SUGCT: variants seen among roughly 807,000 people sequenced by gnomAD.
SUGCT encodes the protein succinyl-CoA:glutarate CoA-transferase.
A neutral mutation model predicts 55.0 loss-of-function variants in SUGCT; 41 were observed. The observed-to-expected ratio is 0.74, with a 90% CI of 0.58 to 0.97. The LOEUF is 0.97. Ranked by LOEUF, SUGCT falls within the 50% of genes least tolerant of loss-of-function variation. The pLI is 0.00. For missense variants in SUGCT, 568 were observed against 547.8 expected, an observed-to-expected ratio of 1.04 and a Z score of -0.37; for synonymous variants, 187 against 200.4, an observed-to-expected ratio of 0.93 and a Z score of 0.56.
Position 40,274,501 on chromosome 7 carries a change from C to T in SUGCT, c.577-12C>T, listed in dbSNP as rs369021727. On this transcript the variant is annotated splice_polypyrimidine_tract_variant and intron_variant, in intron 7 of 13. Coordinates refer to ENST00000335693, the MANE Select transcript of SUGCT (RefSeq NM_001193313.2). Reference sequence around the variant, plus strand: ...AATTATTTCTTCTTTCTCAACCCAACCTTCAAATCAGAATGGAGATCCAGT... The same window carrying T: ...AATTATTTCTTCTTTCTCAACCCAATCTTCAAATCAGAATGGAGATCCAGT... 4 of 1,605,410 alleles carry T rather than the reference C, an allele frequency of 2.5e-6. No individual in the cohort carries two copies. The African/African-American group carries it at 4.0e-5, about 16-fold the overall frequency.
At chr7:40,731,150 G>A (rs1159149014) in intron 12 of SUGCT, among the ~76,000 whole-genome samples, 1 of 152,186 alleles carries the variant, frequency 6.6e-6, no homozygotes, top group Non-Finnish European at 1.5e-5. Flanking sequence ...GGGTGAGAAT[G>A]AGTTTTGGGT....
chr7:40,768,599 C>T (rs764765534), intron 13 of SUGCT, among the ~76,000 whole-genome samples: 11 of 152,048 alleles, frequency 7.2e-5, no homozygotes, highest in Non-Finnish European at 1.5e-4. Context: ...TGACCAATAG[C>T]AAACGTTGCT....
In SUGCT at chr7:40,808,937, C is replaced by G. The variant is rs111632611; in HGVS notation, c.1154-51379C>G. Among the ~76,000 whole-genome samples, 878 of 152,290 alleles carry G rather than the reference C, an allele frequency of 5.8e-3. 8 individuals are homozygous for G. The highest frequency in any genetic ancestry group is 0.02 in the African/African-American group (820 of 41,570). On this transcript the variant is annotated intron_variant, in intron 13 of 13. Transcript: ENST00000335693. ...CAAAATACCCCCAGACAATTCATGCCTGTTCCTGACTCTGTACCTAACGAA... is the reference window on the plus strand; with the variant it reads ...CAAAATACCCCCAGACAATTCATGCGTGTTCCTGACTCTGTACCTAACGAA...
In SUGCT at chr7:40,777,047, G is replaced by C. The variant is rs148723874; in HGVS notation, c.1153+27550G>C. On this transcript the variant is annotated intron_variant, in intron 13 of 13. Coordinates refer to ENST00000335693, the MANE Select transcript of SUGCT (RefSeq NM_001193313.2). Reference sequence around the variant, plus strand: ...CTGACAATCTTAGAAGCTCTATTATGGTGTAACGGGGATCTCCTCTATGAA... The same window carrying C: ...CTGACAATCTTAGAAGCTCTATTATCGTGTAACGGGGATCTCCTCTATGAA... Among the ~76,000 whole-genome samples the C allele has an allele frequency of 1.8e-3, 267 of 152,228 alleles. 1 individual carries two copies. Among genetic ancestry groups the C allele is most frequent in the African/African-American group, 6.2e-3 (258 of 41,542 alleles).
intron 11 of SUGCT, 74 bp from the exon 12 acceptor site, chr7:40,496,210 G>C: frequency 4.5e-6 from 4 of 886,512 alleles, no homozygotes; most frequent in Non-Finnish European, 7.2e-6. Context: ...TGCTTTCAAA[G>C]AGGGCCACAT....
chr7:40,756,823 A>G (rs1788275479), intron 13 of SUGCT, among the ~76,000 whole-genome samples: 1 of 152,210 alleles, frequency 6.6e-6, no homozygotes, highest in Admixed American at 6.5e-5. Context: ...TAAAGTTTTC[A>G]TGTTGTGCGT....
the SUGCT span, among the ~76,000 whole-genome samples, chr7:40,869,653 A>C: frequency 6.9e-6 from 1 of 145,980 alleles, no homozygotes; most frequent in African/African-American, 2.5e-5. Context: ...ACAGAAAATG[A>C]ATATACCCAC....
chr7:40,951,922 A>T, the SUGCT span, among the ~76,000 whole-genome samples: 1 of 152,172 alleles, frequency 6.6e-6, no homozygotes, highest in Non-Finnish European at 1.5e-5. Context: ...AGAAGAATGT[A>T]TATTCTATTG....
chr7:40,622,303 C>T (rs931335976), intron 12 of SUGCT, among the ~76,000 whole-genome samples: 5 of 152,122 alleles, frequency 3.3e-5, no homozygotes, highest in African/African-American at 9.7e-5. Flanking sequence ...TTTGACTTAA[C>T]GGTGATCTTT....
At chr7:40,915,814 A>G in the SUGCT span, among the ~76,000 whole-genome samples, 1 of 152,232 alleles carries the variant, frequency 6.6e-6, no homozygotes, top group Non-Finnish European at 1.5e-5. Flanking sequence ...AGTAAATAAA[A>G]TAGAATTTGA....
In SUGCT at chr7:40,860,456, G is replaced by A; in HGVS notation, c.1294G>A (p.Val432Met). ...CGGGGAGCTGCTCAGCGCTGGAGTG[G>A]TGGACCAACATGAAACTCACTGACA... ...AIGELLSAGV[V>M]DQHETH Residue 432 changes from valine (V) to methionine (M), a missense_variant, in exon 14 of 14, where the codon GTG becomes ATG. Physicochemically the swap from Val to Met is conservative, Grantham distance 21. Transcript: ENST00000335693. 3.1e-6 allele frequency: 5 copies of A among 1,612,790 alleles called. No individual in the cohort carries two copies. Among genetic ancestry groups the A allele is most frequent in the Non-Finnish European group, 4.2e-6 (5 of 1,179,038 alleles).
chr7:40,386,992 C>T (rs1163213264), intron 9 of SUGCT, among the ~76,000 whole-genome samples: 2 of 152,090 alleles, frequency 1.3e-5, no homozygotes, highest in African/African-American at 4.8e-5. Context: ...CTTTTTGTGT[C>T]CATAGTACTA....
At chr7:40,772,723 T>C (rs1789238386) in intron 13 of SUGCT, among the ~76,000 whole-genome samples, 1 of 151,862 alleles carries the variant, frequency 6.6e-6, no homozygotes, top group Non-Finnish European at 1.5e-5. Flanking sequence ...GCAACCTCCC[T>C]GGGCTCAAGG....
At chr7:40,946,810 C>T in the SUGCT span, among the ~76,000 whole-genome samples, 1 of 152,130 alleles carries the variant, frequency 6.6e-6, no homozygotes, top group South Asian at 2.1e-4. Context: ...GAGAAATCAG[C>T]AATTAATACT....
intron 6 of SUGCT, among the ~76,000 whole-genome samples, chr7:40,229,013 C>T (rs917137609): frequency 6.6e-6 from 1 of 152,168 alleles, no homozygotes. Flanking sequence ...TTTTTGATAG[C>T]TTCCTTGATT....
chr7:40,712,485 C>T (rs1785779332), intron 12 of SUGCT, among the ~76,000 whole-genome samples: 1 of 152,172 alleles, frequency 6.6e-6, no homozygotes, highest in African/African-American at 2.4e-5. Context: ...CCTCCTGGAA[C>T]ATAATGCAGT....
intron 13 of SUGCT, among the ~76,000 whole-genome samples, chr7:40,797,396 T>C (rs919234905): frequency 2.6e-5 from 4 of 152,178 alleles, no homozygotes; most frequent in African/African-American, 9.7e-5. Flanking sequence ...GAAACTACAC[T>C]GTTTTTCTAT....
chr7:40,415,448 C>G (rs1341776694), intron 9 of SUGCT, among the ~76,000 whole-genome samples: 1 of 150,426 alleles, frequency 6.6e-6, no homozygotes, highest in Non-Finnish European at 1.5e-5. Context: ...TATGTAGAAA[C>G]TCTTTTTAAA....
At chr7:40,278,465 A>G (rs145897670) in intron 8 of SUGCT, among the ~76,000 whole-genome samples, 2,514 of 152,254 alleles carry the variant, frequency 0.017, 57 homozygotes, top group African/African-American at 0.058. Flanking sequence ...TGCTATAAAG[A>G]CACATGCACA....
Sources: gnomAD v4.1 joint callset for allele counts (sites outside exome capture counted in the v4.1 genomes callset) on GRCh38, gnomAD v4.1.1 for gene constraint, MANE v1.5 for transcripts, NCBI Gene and HGNC (gene_info 2026-07-23, HGNC 2026-07-21) for gene names.